Variants in CAMKMT observed in about 807,000 individuals in gnomAD.
CAMKMT encodes the protein calmodulin-lysine N-methyltransferase, also known as CaM KMT.
A neutral mutation model predicts 48.0 loss-of-function variants in CAMKMT; 53 were observed. The observed-to-expected ratio is 1.10, with a 90% CI of 0.89 to 1.39. CAMKMT has a LOEUF of 1.39. CAMKMT is among the 40% of genes most tolerant of loss of function. The pLI is 0.00. For missense variants in CAMKMT, 428 were observed against 402.7 expected, an observed-to-expected ratio of 1.06 and a Z score of -0.54; for synonymous variants, 165 against 152.3, an observed-to-expected ratio of 1.08 and a Z score of -0.61.
At chr2:44,628,743 T>C (rs1257764795) in intron 3 of CAMKMT, among the ~76,000 whole-genome samples, 1 of 152,156 alleles carries the variant, frequency 6.6e-6, no homozygotes, top group East Asian at 1.9e-4. Context: ...CAACATATTT[T>C]TAATGTTTCT....
chr2:44,552,602 T>TA (rs1365633373), intron 3 of CAMKMT, among the ~76,000 whole-genome samples: 1 of 152,198 alleles, frequency 6.6e-6, no homozygotes, highest in Non-Finnish European at 1.5e-5. Context: ...ATTGAGCACT[T>TA]ACGTTTCAGG....
chr2:44,610,624 T>C (rs1323061701), intron 3 of CAMKMT, among the ~76,000 whole-genome samples: 1 of 152,160 alleles, frequency 6.6e-6, no homozygotes, highest in African/African-American at 2.4e-5. Flanking sequence ...CAAAAATAAA[T>C]GAAATATCTC....
intron 2 of CAMKMT, among the ~76,000 whole-genome samples, chr2:44,376,670 G>A (rs1054896761): frequency 2.0e-5 from 3 of 152,064 alleles, no homozygotes; most frequent in Non-Finnish European, 4.4e-5. Context: ...ACCCCCAAGA[G>A]GGTTAATGCC....
chr2:44,579,943 C>G (rs1452045341), intron 3 of CAMKMT, among the ~76,000 whole-genome samples: 1 of 152,148 alleles, frequency 6.6e-6, no homozygotes, highest in African/African-American at 2.4e-5. Flanking sequence ...TCCCAGTTTT[C>G]TATATGAGCA....
intron 3 of CAMKMT, among the ~76,000 whole-genome samples, chr2:44,686,047 T>C (rs531676658): frequency 1.3e-5 from 2 of 152,176 alleles, no homozygotes; most frequent in African/African-American, 2.4e-5. Context: ...AAATTATGAC[T>C]TTCTGACAGA....
chr2:44,380,638 A>T (rs946141002), intron 2 of CAMKMT, among the ~76,000 whole-genome samples: 6 of 152,218 alleles, frequency 3.9e-5, no homozygotes, highest in Non-Finnish European at 5.9e-5. Context: ...TACTATATTG[A>T]TAGCAGTTTT....
At chr2:44,638,472 C>T (rs1294782807) in intron 3 of CAMKMT, among the ~76,000 whole-genome samples, 1 of 152,140 alleles carries the variant, frequency 6.6e-6, no homozygotes, top group African/African-American at 2.4e-5. Flanking sequence ...AGTCTAAAAT[C>T]CTGCCATCTG....
intron 3 of CAMKMT, among the ~76,000 whole-genome samples, chr2:44,438,767 G>A (rs866639221): frequency 3.0e-4 from 46 of 152,148 alleles, no homozygotes; most frequent in Middle Eastern, 3.4e-3. Context: ...GCACAATCAC[G>A]GCTCGCTGCA....
intron 3 of CAMKMT, among the ~76,000 whole-genome samples, chr2:44,634,046 T>C (rs535697577): frequency 1.3e-5 from 2 of 152,294 alleles, no homozygotes; most frequent in South Asian, 2.1e-4. Flanking sequence ...AATGCCTCTG[T>C]TATTTAATAA....
At chr2:44,606,158 T>C (rs1572904173) in intron 3 of CAMKMT, among the ~76,000 whole-genome samples, 1 of 152,160 alleles carries the variant, frequency 6.6e-6, no homozygotes, top group Non-Finnish European at 1.5e-5. Context: ...TCTACTACTT[T>C]CCCCAATCTG....
intron 3 of CAMKMT, among the ~76,000 whole-genome samples, chr2:44,474,389 G>A (rs1277724832): frequency 6.6e-6 from 1 of 151,310 alleles, no homozygotes; most frequent in Non-Finnish European, 1.5e-5. Context: ...GGAGGTTGCA[G>A]TGGGCTGAGA....
intron 7 of CAMKMT, 106 bp downstream of exon 7, chr2:44,715,459 G>A (rs1678127277): frequency 3.8e-6 from 3 of 781,742 alleles, no homozygotes; most frequent in South Asian, 1.6e-5. Context: ...AGCACCTGCT[G>A]TGTGTCAGGC....
intron 6 of CAMKMT, among the ~76,000 whole-genome samples, chr2:44,712,786 C>T (rs1395876522): frequency 2.6e-5 from 4 of 152,108 alleles, no homozygotes; most frequent in African/African-American, 9.7e-5. Context: ...CATATCGACT[C>T]AATGTGATTG....
chr2:44,445,406 T>C (rs1029242997), intron 3 of CAMKMT, among the ~76,000 whole-genome samples: 2 of 152,096 alleles, frequency 1.3e-5, no homozygotes, highest in African/African-American at 4.8e-5. Context: ...TAGCCATTCA[T>C]CTTCAGTTTG....
intron 3 of CAMKMT, among the ~76,000 whole-genome samples, chr2:44,459,781 C>T (rs1274108737): frequency 6.6e-6 from 1 of 152,182 alleles, no homozygotes; most frequent in African/African-American, 2.4e-5. Flanking sequence ...GGGCATTTGT[C>T]TCCTTTCTCA....
intron 3 of CAMKMT, among the ~76,000 whole-genome samples, chr2:44,683,198 T>C (rs1367632476): frequency 5.1e-5 from 7 of 137,274 alleles, no homozygotes; most frequent in Admixed American, 5.0e-4. Flanking sequence ...TAAAACTGTT[T>C]ATTGAGAAAT....
rs112766754 is a variant in CAMKMT, at chr2:44,587,577, C to T, written c.377-116706C>T. 8.4e-3 allele frequency among the ~76,000 whole-genome samples: 1,183 copies of T among 141,350 alleles called. 14 individuals are homozygous for T. The highest frequency in any genetic ancestry group is 0.024 in the African/African-American group (907 of 38,100). The allele number at this position is 141,350 out of a possible 152,430, so 92.7% of individuals were successfully genotyped here. On this transcript the variant is annotated intron_variant, in intron 3 of 10. Transcript: ENST00000378494. ...TCTCGGCTCACTGCAACCTCCCTGC[C>T]TGATTCTCCTGCCTCAGCCTGCCGA...
chr2:44,521,534 C>T (rs1176000954), intron 3 of CAMKMT, among the ~76,000 whole-genome samples: 3 of 152,208 alleles, frequency 2.0e-5, no homozygotes, highest in African/African-American at 4.8e-5. Context: ...CCGCCTTGGC[C>T]TCCCAAAGTG....
intron 9 of CAMKMT, among the ~76,000 whole-genome samples, chr2:44,765,238 T>C (rs901229253): frequency 1.3e-5 from 2 of 151,030 alleles, no homozygotes; most frequent in African/African-American, 4.9e-5. Flanking sequence ...AAAAAAAAAA[T>C]GTCTAAAGGA....
Sources: gnomAD v4.1 joint callset for allele counts (sites outside exome capture counted in the v4.1 genomes callset) on GRCh38, gnomAD v4.1.1 for gene constraint, MANE v1.5 for transcripts, NCBI Gene and HGNC (gene_info 2026-07-23, HGNC 2026-07-21) for gene names.